NPAS3: variants seen among roughly 807,000 people sequenced by gnomAD.
NPAS3 encodes the protein neuronal PAS domain protein 3.
In NPAS3, 14 loss-of-function variants were observed where a neutral mutation model predicts 73.1. The ratio of observed to expected loss-of-function variants is 0.19; its 90% CI spans 0.13 to 0.30. The LOEUF (loss-of-function observed/expected upper bound fraction) is 0.30, where lower values mean the gene tolerates loss of function less well. Ranked by LOEUF, NPAS3 falls within the 10% of genes least tolerant of loss-of-function variation. The pLI is 1.00. For missense variants in NPAS3, 1,096 were observed against 1,250.0 expected, an observed-to-expected ratio of 0.88 and a Z score of 1.86; for synonymous variants, 620 against 541.5, an observed-to-expected ratio of 1.14 and a Z score of -2.01.
chr14:33,685,536 T>C (rs909091489), intron 6 of NPAS3, among the ~76,000 whole-genome samples: 3 of 152,184 alleles, frequency 2.0e-5, no homozygotes, highest in Non-Finnish European at 4.4e-5. Flanking sequence ...CTAGTCCCTC[T>C]GCCTGTTGCT....
intron 5 of NPAS3, among the ~76,000 whole-genome samples, chr14:33,635,746 G>T (rs2140155578): frequency 6.6e-6 from 1 of 152,258 alleles, no homozygotes. Flanking sequence ...GACTTGTCGG[G>T]GTCTTTGGCT....
intron 3 of NPAS3, among the ~76,000 whole-genome samples, chr14:33,243,299 A>G (rs1413875110): frequency 2.0e-5 from 3 of 152,166 alleles, no homozygotes; most frequent in Non-Finnish European, 2.9e-5. Context: ...ATCTCTTTAC[A>G]TATAATCACT....
At chr14:32,955,518 C>T (rs187096239) in intron 1 of NPAS3, among the ~76,000 whole-genome samples, 111 of 152,100 alleles carry the variant, frequency 7.3e-4, no homozygotes, top group African/African-American at 2.3e-3. Flanking sequence ...GAATCTATTG[C>T]GAAAACTCAA....
chr14:33,358,598 C>T (rs575800048), intron 3 of NPAS3, among the ~76,000 whole-genome samples: 4 of 152,296 alleles, frequency 2.6e-5, no homozygotes, highest in East Asian at 1.9e-4. Context: ...GACTCCACCT[C>T]TCCCCACCTC....
chr14:33,366,183 C>G (rs1347750485), intron 3 of NPAS3, among the ~76,000 whole-genome samples: 3 of 152,208 alleles, frequency 2.0e-5, no homozygotes, highest in Non-Finnish European at 4.4e-5. Context: ...CGACGCATCC[C>G]TGGAGTCTCT....
intron 5 of NPAS3, among the ~76,000 whole-genome samples, chr14:33,614,169 G>A (rs1435917185): frequency 1.3e-5 from 2 of 152,166 alleles, no homozygotes; most frequent in African/African-American, 4.8e-5. Flanking sequence ...ATGTTACTGG[G>A]AGTTTCTTCA....
chr14:33,340,808 A>T (rs2044442148), intron 3 of NPAS3, among the ~76,000 whole-genome samples: 1 of 152,234 alleles, frequency 6.6e-6, no homozygotes, highest in African/African-American at 2.4e-5. Flanking sequence ...TTAGACTGTT[A>T]GTTCAAGGTG....
At chr14:33,075,574 T>C (rs889557437) in intron 2 of NPAS3, among the ~76,000 whole-genome samples, 5 of 152,218 alleles carry the variant, frequency 3.3e-5, no homozygotes, top group Non-Finnish European at 7.4e-5. Context: ...GGCTGGCAGT[T>C]ATCTGCAAGT....
chr14:33,674,234 A>G (rs12894373), intron 5 of NPAS3, among the ~76,000 whole-genome samples: 11,526 of 152,280 alleles, frequency 0.076, 638 homozygotes, highest in East Asian at 0.31. Flanking sequence ...CCCTAAAAAA[A>G]TCTATTTTAT....
intron 2 of NPAS3, among the ~76,000 whole-genome samples, chr14:33,072,737 C>T (rs992929643): frequency 1.3e-5 from 2 of 152,168 alleles, no homozygotes; most frequent in Non-Finnish European, 2.9e-5. Context: ...TGCGTGGGAA[C>T]CTGCCCACAT....
chr14:33,468,969 A>G (rs2050655920), intron 4 of NPAS3, among the ~76,000 whole-genome samples: 1 of 152,186 alleles, frequency 6.6e-6, no homozygotes, highest in Non-Finnish European at 1.5e-5. Flanking sequence ...GTTACCTAGG[A>G]TTTGATAATC....
At chr14:33,126,339 C>G (rs2043425705) in intron 2 of NPAS3, among the ~76,000 whole-genome samples, 1 of 152,168 alleles carries the variant, frequency 6.6e-6, no homozygotes, top group Non-Finnish European at 1.5e-5. Context: ...CAGGCTACCA[C>G]AGAACAAAAT....
upstream of NPAS3, among the ~76,000 whole-genome samples, chr14:32,937,543 C>T (rs927854574): frequency 6.6e-6 from 1 of 152,138 alleles, no homozygotes; most frequent in African/African-American, 2.4e-5. Flanking sequence ...ATTTCTCATT[C>T]TCTCCTACCT....
At chr14:32,936,990 C>G (rs925599528), upstream of NPAS3, among the ~76,000 whole-genome samples, 2 of 149,740 alleles carry the variant, frequency 1.3e-5, no homozygotes, top group Non-Finnish European at 1.5e-5. Context: ...TTATTCCCTC[C>G]TTCGATTTTT....
At chr14:33,688,872 T>G (rs1389602554) in intron 6 of NPAS3, among the ~76,000 whole-genome samples, 1 of 152,238 alleles carries the variant, frequency 6.6e-6, no homozygotes, top group Admixed American at 6.5e-5. Flanking sequence ...TGATTACGGC[T>G]GCCCAGAGCA....
At chr14:33,799,776 C>T (rs1037841059) in exon 12 of NPAS3, 4 of 1,603,462 alleles carry the variant, frequency 2.5e-6, no homozygotes, top group Non-Finnish European at 3.4e-6. Context: ...GGGAACCAGT[C>T]CGAGAACAGC....
intron 2 of NPAS3, among the ~76,000 whole-genome samples, chr14:33,127,831 A>G (rs912763340): frequency 2.6e-5 from 4 of 152,152 alleles, no homozygotes; most frequent in African/African-American, 9.6e-5. Context: ...TCAGTAAAAT[A>G]CATTTCCCTT....
intron 4 of NPAS3, among the ~76,000 whole-genome samples, chr14:33,520,383 T>C (rs1338329006): frequency 1.3e-5 from 2 of 152,124 alleles, no homozygotes; most frequent in Admixed American, 1.3e-4. Flanking sequence ...AGTTTGGTTG[T>C]TTTGTTTCAT....
intron 1 of NPAS3, among the ~76,000 whole-genome samples, chr14:33,014,431 C>T (rs2039323059): frequency 6.6e-6 from 1 of 152,098 alleles, no homozygotes; most frequent in South Asian, 2.1e-4. Context: ...ATAAGCTACT[C>T]AAATGTCACA....
Sources: gnomAD v4.1 joint callset for allele counts (sites outside exome capture counted in the v4.1 genomes callset) on GRCh38, gnomAD v4.1.1 for gene constraint, MANE v1.5 for transcripts, NCBI Gene and HGNC (gene_info 2026-07-23, HGNC 2026-07-21) for gene names.